Variants in CAPN13 observed in about 807,000 individuals in gnomAD.
The protein encoded by CAPN13 is calpain 13.
CAPN13 carries 90 observed loss-of-function variants against 98.4 expected under a neutral mutation model. The observed-to-expected ratio is 0.92, with a 90% CI of 0.77 to 1.09. The LOEUF (loss-of-function observed/expected upper bound fraction) is 1.09, where lower values mean the gene tolerates loss of function less well. Ranked by LOEUF, CAPN13 falls within the 50% of genes least tolerant of loss-of-function variation. The probability of loss-of-function intolerance (pLI) is 0.00; values close to 1 mark genes in which losing one functional copy is unlikely to be tolerated. For missense variants in CAPN13, 887 were observed against 841.3 expected (o/e 1.05, Z -0.67); for synonymous variants, 330 against 305.5 (o/e 1.08, Z -0.84).
chr2:30,793,172 A>C (rs1674688449), intron 1 of CAPN13, among the ~76,000 whole-genome samples: 1 of 151,912 alleles, frequency 6.6e-6, no homozygotes, highest in South Asian at 2.1e-4. Flanking sequence ...AGAAAATTAA[A>C]GGCATAAAGA....
chr2:30,784,181 A>C (rs1181167344), intron 2 of CAPN13, among the ~76,000 whole-genome samples: 1 of 145,776 alleles, frequency 6.9e-6, no homozygotes, highest in Non-Finnish European at 1.5e-5. Context: ...CTCCATCTCA[A>C]AAAAAAGAAA....
rs985438406 is a variant in CAPN13, at chr2:30,787,294, G to T, written c.32C>A (p.Thr11Asn). MAYYQEPSVE[T>N]SIIKFKDQDF... ...CTGGTCTTTGAACTTGATGATGGAG[G>T]TCTCCACTGAAGGCTCCTGGTAATA... is the stretch of plus-strand genomic sequence containing the variant. Residue 11 changes from threonine to asparagine, a missense_variant, in exon 2 of 23, where the codon ACC becomes AAC. Coordinates refer to ENST00000295055, the MANE Select transcript of CAPN13 (RefSeq NM_144575.3). 5 of 1,613,180 alleles carry T rather than the reference G, an allele frequency of 3.1e-6. No individual in the cohort carries two copies. Among genetic ancestry groups the T allele is most frequent in the East Asian group, 2.2e-5 (1 of 44,866 alleles).
At chr2:30,790,527 C>A (rs1457462728) in intron 1 of CAPN13, among the ~76,000 whole-genome samples, 2 of 152,154 alleles carry the variant, frequency 1.3e-5, no homozygotes, top group Non-Finnish European at 2.9e-5. Context: ...GGCTGAGAAG[C>A]AAGCAGGAGC....
intron 7 of CAPN13, 21 bp downstream of exon 7, chr2:30,763,061 C>G: frequency 1.3e-6 from 2 of 1,593,668 alleles, no homozygotes; most frequent in Non-Finnish European, 1.7e-6. Context: ...GAGAGCTGGA[C>G]AGGCCAGCAG....
chr2:30,804,053 G>C (rs937074474), intron 1 of CAPN13, among the ~76,000 whole-genome samples: 6 of 152,208 alleles, frequency 3.9e-5, no homozygotes, highest in African/African-American at 1.4e-4. Context: ...GCAAAAAGTA[G>C]TGCATAGTGG....
intron 15 of CAPN13, among the ~76,000 whole-genome samples, chr2:30,738,804 T>A (rs1393451564): frequency 6.6e-6 from 1 of 152,198 alleles, no homozygotes; most frequent in Non-Finnish European, 1.5e-5. Context: ...AACTCAACCC[T>A]TTAGATGTGT....
chr2:30,743,724 T>C, intron 12 of CAPN13, 145 bp from the exon 13 acceptor site: 5 of 767,968 alleles, frequency 6.5e-6, no homozygotes, highest in Non-Finnish European at 1.1e-5. Flanking sequence ...AGTGCTCAGC[T>C]GAAGTCTCAA....
Position 30,790,178 on chromosome 2 carries a change from C to T in CAPN13, c.-32-2821G>A, listed in dbSNP as rs141514830. ...AGGAAGGGCCCACAACACCTGACAACATTTCACTTTTGTGCACAGCAGAAG... is the reference window on the plus strand; with the variant it reads ...AGGAAGGGCCCACAACACCTGACAATATTTCACTTTTGTGCACAGCAGAAG... On this transcript the variant is annotated intron_variant, in intron 1 of 22. Coordinates refer to ENST00000295055, the MANE Select transcript of CAPN13 (RefSeq NM_144575.3). Among the ~76,000 whole-genome samples the T allele has an allele frequency of 4.8e-3, 726 of 152,338 alleles. 10 individuals are homozygous for T. Among genetic ancestry groups the T allele is most frequent in the African/African-American group, 0.016 (656 of 41,572 alleles).
At chr2:30,764,398 G>A (rs1673008536) in intron 5 of CAPN13, 92 bp from the exon 6 acceptor site, 1 of 1,411,728 alleles carries the variant, frequency 7.1e-7, no homozygotes, top group African/African-American at 1.4e-5. Context: ...CTATTTCCCA[G>A]GTAAGGGGCT....
chr2:30,762,566 G>C (rs776946585), intron 7 of CAPN13, among the ~76,000 whole-genome samples: 23 of 152,214 alleles, frequency 1.5e-4, no homozygotes, highest in Non-Finnish European at 2.4e-4. Flanking sequence ...TGAGGGATCA[G>C]AGCAGCTGTC....
chr2:30,752,792 G>A (rs1423440404), intron 10 of CAPN13, among the ~76,000 whole-genome samples: 5 of 152,220 alleles, frequency 3.3e-5, no homozygotes, highest in Admixed American at 6.5e-5. Flanking sequence ...CCCAGGAAGC[G>A]GGAGGGTGTT....
In CAPN13 at chr2:30,748,883, G is replaced by T. The variant is rs559982623; in HGVS notation, c.1236+2220C>A. On this transcript the variant is annotated intron_variant, in intron 11 of 22. Transcript: ENST00000295055. Reference sequence around the variant, plus strand: ...CCTGAAATTGGGAAATGGAAATATGGTCAAGGAGAGCAGAACACGAAAGCT... The same window carrying T: ...CCTGAAATTGGGAAATGGAAATATGTTCAAGGAGAGCAGAACACGAAAGCT... 7.9e-5 allele frequency among the ~76,000 whole-genome samples: 12 copies of T among 152,240 alleles called. 2 individuals carry two copies. The South Asian group carries it at 2.5e-3, about 32-fold the overall frequency.
At chr2:30,804,270 G>A (rs185188079) in intron 1 of CAPN13, among the ~76,000 whole-genome samples, 3 of 152,188 alleles carry the variant, frequency 2.0e-5, no homozygotes, top group South Asian at 2.1e-4. Context: ...GCGCAACCTC[G>A]GCTCACTGCA....
At chr2:30,799,891 G>A (rs2148109691) in intron 1 of CAPN13, among the ~76,000 whole-genome samples, 1 of 152,114 alleles carries the variant, frequency 6.6e-6, no homozygotes, top group East Asian at 1.9e-4. Context: ...AGCTAACACG[G>A]TGAAACCCCG....
intron 1 of CAPN13, among the ~76,000 whole-genome samples, chr2:30,787,646 G>A (rs1271608709): frequency 6.6e-6 from 1 of 152,224 alleles, no homozygotes; most frequent in Non-Finnish European, 1.5e-5. Context: ...GCACTGCCAG[G>A]TGAAGAACTG....
intron 22 of CAPN13, among the ~76,000 whole-genome samples, chr2:30,724,342 C>G (rs1307481496): frequency 1.3e-5 from 2 of 152,170 alleles, no homozygotes; most frequent in Non-Finnish European, 2.9e-5. Context: ...AGCTCTCCAG[C>G]AGAATTTCAA....
At chr2:30,791,122 C>G (rs1242418461) in intron 1 of CAPN13, among the ~76,000 whole-genome samples, 1 of 152,168 alleles carries the variant, frequency 6.6e-6, no homozygotes, top group African/African-American at 2.4e-5. Context: ...CTGCATACTG[C>G]AGGAAGTGTG....
intron 4 of CAPN13, among the ~76,000 whole-genome samples, chr2:30,770,952 A>T (rs12613578): frequency 6.6e-6 from 1 of 152,078 alleles, no homozygotes; most frequent in Non-Finnish European, 1.5e-5. Flanking sequence ...CAGGAGGCAC[A>T]CTGTGGGCAA....
intron 14 of CAPN13, 147 bp downstream of exon 14, chr2:30,742,179 C>T: frequency 9.2e-7 from 1 of 1,084,384 alleles, no homozygotes; most frequent in South Asian, 1.5e-5. Context: ...TCCCCCTACC[C>T]CGCCCCTTTG....
Sources: allele counts gnomAD v4.1 joint callset (sites outside exome capture counted in the v4.1 genomes callset), GRCh38; gene constraint gnomAD v4.1.1; transcripts MANE v1.5; gene names NCBI Gene and HGNC (gene_info 2026-07-23, HGNC 2026-07-21).